TMTC2: variants seen among roughly 807,000 people sequenced by gnomAD.
TMTC2 encodes transmembrane O-mannosyltransferase targeting cadherins 2, also known as protein O-mannosyl-transferase TMTC2.
TMTC2 carries 43 observed loss-of-function variants against 82.4 expected under a neutral mutation model. That is an observed-to-expected ratio of 0.52 (90% CI 0.41 to 0.67). TMTC2 has a LOEUF of 0.67. Ranked by LOEUF, TMTC2 falls within the 30% of genes least tolerant of loss-of-function variation. The pLI is 0.00. For synonymous variants in TMTC2, 408 were observed against 381.9 expected (o/e 1.07, Z -0.80); for missense variants, 919 against 1,012.4 (o/e 0.91, Z 1.25).
intron 11 of TMTC2, among the ~76,000 whole-genome samples, chr12:83,062,144 C>T (rs1027581901): frequency 1.3e-5 from 2 of 151,700 alleles, no homozygotes; most frequent in East Asian, 1.9e-4. Context: ...ATTTGGATAA[C>T]TTTTAAAATC....
chr12:83,102,361 AG>A (rs34364771), intron 11 of TMTC2, among the ~76,000 whole-genome samples: 1 of 152,326 alleles, frequency 6.6e-6, no homozygotes, highest in South Asian at 2.1e-4. Flanking sequence ...TTAATGATAA[AG>A]GGAGAGGATA....
At chr12:82,782,747 C>G (rs55653244) in intron 1 of TMTC2, among the ~76,000 whole-genome samples, 434 of 152,218 alleles carry the variant, frequency 2.9e-3, no homozygotes, top group Non-Finnish European at 4.1e-3. Context: ...CTTTTCTAGA[C>G]TAAGTACAAT....
intron 2 of TMTC2, among the ~76,000 whole-genome samples, chr12:82,876,057 GTGGTGGTGGTGATGA>G (rs1394509967): frequency 1.3e-4 from 18 of 137,048 alleles, no homozygotes; most frequent in Admixed American, 4.3e-4. Context: ...GGTGGTGGTG[GTGGTGGTGGTGATGA>G]TGATGATGGT....
intron 7 of TMTC2, among the ~76,000 whole-genome samples, chr12:82,968,735 T>A (rs1878325481): frequency 6.6e-6 from 1 of 152,178 alleles, no homozygotes; most frequent in Non-Finnish European, 1.5e-5. Context: ...AGCCAGTACC[T>A]TGGGATCTGT....
chr12:82,732,626 A>C (rs944225830), intron 1 of TMTC2, among the ~76,000 whole-genome samples: 2 of 152,178 alleles, frequency 1.3e-5, no homozygotes, highest in Non-Finnish European at 2.9e-5. Context: ...TACAGGCATG[A>C]GCCACCGCAC....
chr12:82,939,297 A>G (rs1393572094), intron 4 of TMTC2, among the ~76,000 whole-genome samples: 1 of 152,096 alleles, frequency 6.6e-6, no homozygotes, highest in Non-Finnish European at 1.5e-5. Context: ...TATTTTGCAT[A>G]TATTTTCAAC....
intron 1 of TMTC2, among the ~76,000 whole-genome samples, chr12:82,729,903 G>A (rs917752362): frequency 6.6e-6 from 1 of 152,044 alleles, no homozygotes; most frequent in Non-Finnish European, 1.5e-5. Context: ...GCAAGACCAC[G>A]AACCCACTGG....
chr12:82,785,622 A>C (rs1403597029), intron 1 of TMTC2, among the ~76,000 whole-genome samples: 1 of 152,084 alleles, frequency 6.6e-6, no homozygotes, highest in Admixed American at 6.6e-5. Context: ...ATAGGGCAGC[A>C]GCAAAAGGAA....
intron 1 of TMTC2, among the ~76,000 whole-genome samples, chr12:82,755,148 T>G (rs915044097): frequency 2.0e-5 from 3 of 152,226 alleles, no homozygotes; most frequent in Non-Finnish European, 4.4e-5. Flanking sequence ...GAAATGTGAT[T>G]TAAATTCTGA....
intron 8 of TMTC2, among the ~76,000 whole-genome samples, chr12:83,024,469 A>G (rs1178537876): frequency 6.6e-6 from 1 of 152,180 alleles, no homozygotes; most frequent in East Asian, 1.9e-4. Context: ...TGAAAATGTG[A>G]TTTGCATTGG....
At chr12:82,747,163 A>T (rs1310540065) in intron 1 of TMTC2, among the ~76,000 whole-genome samples, 1 of 152,218 alleles carries the variant, frequency 6.6e-6, no homozygotes, top group Admixed American at 6.5e-5. Flanking sequence ...CAACAATGGC[A>T]AACTAATAAA....
At chr12:82,909,954 AAC>A (rs1874544953) in intron 3 of TMTC2, among the ~76,000 whole-genome samples, 1 of 152,212 alleles carries the variant, frequency 6.6e-6, no homozygotes, top group Non-Finnish European at 1.5e-5. Flanking sequence ...TATGTGTAAA[AAC>A]ACTATCAAAT....
At chr12:83,077,128 G>T (rs1253499675) in intron 11 of TMTC2, among the ~76,000 whole-genome samples, 1 of 152,190 alleles carries the variant, frequency 6.6e-6, no homozygotes, top group Non-Finnish European at 1.5e-5. Context: ...TAGTGAAAGA[G>T]TTCAGAAAAT....
At chr12:83,108,381 G>A (rs530432455) in intron 11 of TMTC2, among the ~76,000 whole-genome samples, 1 of 151,914 alleles carries the variant, frequency 6.6e-6, no homozygotes, top group Admixed American at 6.6e-5. Context: ...ATTATAAAAC[G>A]TGAACTTTAG....
chr12:82,754,687 A>G (rs1480002146), intron 1 of TMTC2, among the ~76,000 whole-genome samples: 1 of 152,096 alleles, frequency 6.6e-6, no homozygotes, highest in Non-Finnish European at 1.5e-5. Context: ...CAGTGAGCTG[A>G]TATTGTGTCA....
In TMTC2 at chr12:82,896,307, T is replaced by A; in HGVS notation, c.1144T>A (p.Ser382Thr). The A allele has an allele frequency of 6.2e-7, 1 of 1,614,162 alleles. No homozygotes were observed. Residue 382 changes from serine (S) to threonine (T), a missense_variant, in exon 3 of 12, where the codon TCA (serine) becomes ACA (threonine). By Grantham distance (58) the Ser-to-Thr change is moderately conservative. Coordinates refer to ENST00000321196, the MANE Select transcript of TMTC2 (RefSeq NM_152588.3). ...AGAAAATGGCATTAAAAACGATGTA[T>A]CACAGAGAACCCAGCTTCCTTCTAC... ...KVENGIKNDV[S>T]QRTQLPSTEN... is the part of the protein sequence containing the mutation.
At position 82,872,005 on chromosome 12, in the gene TMTC2, A is replaced by ACC. The variant is rs61305687; in HGVS notation, c.654+14435_654+14436dup. Among the ~76,000 whole-genome samples, 53 of 95,732 alleles carry ACC rather than the reference A, an allele frequency of 5.5e-4. 1 individual carries two copies. The highest frequency in any genetic ancestry group is 1.4e-3 in the African/African-American group (37 of 25,766). The allele number at this position is 95,732 out of a possible 152,430, so 62.8% of individuals were successfully genotyped here. A position where few individuals can be genotyped will look rare whatever the true frequency, so the allele number is the denominator to read the frequency against. On this transcript the variant is annotated intron_variant, in intron 2 of 11. Transcript: ENST00000321196. The stretch of plus-strand genomic sequence containing the variant: ...CCATATTACAAAAAAGTTGAACAAC[A>ACC]CCCCCCCCCCCGCCCACACCCCGCA...
chr12:82,746,482 T>C (rs944691321), intron 1 of TMTC2, among the ~76,000 whole-genome samples: 5 of 152,208 alleles, frequency 3.3e-5, no homozygotes, highest in African/African-American at 9.6e-5. Flanking sequence ...AAGAAGACTA[T>C]GGCTTTGAGC....
intron 1 of TMTC2, among the ~76,000 whole-genome samples, chr12:82,813,438 A>G (rs1401799065): frequency 6.6e-6 from 1 of 152,050 alleles, no homozygotes; most frequent in Non-Finnish European, 1.5e-5. Flanking sequence ...TTCTCAGGTT[A>G]AATATTCCAT....
Sources: allele counts gnomAD v4.1 joint callset (sites outside exome capture counted in the v4.1 genomes callset), GRCh38; gene constraint gnomAD v4.1.1; transcripts MANE v1.5; gene names NCBI Gene and HGNC (gene_info 2026-07-23, HGNC 2026-07-21).